Variants in TNFAIP8 observed in about 807,000 individuals in gnomAD.
TNFAIP8 encodes tumor necrosis factor alpha-induced protein 8.
A neutral mutation model predicts 13.3 loss-of-function variants in TNFAIP8; 7 were observed. The ratio of observed to expected loss-of-function variants is 0.52; its 90% CI spans 0.30 to 0.99. The LOEUF is 0.99. Ranked by LOEUF, TNFAIP8 falls within the 50% of genes least tolerant of loss-of-function variation. The pLI is 0.07. For missense variants in TNFAIP8, 258 were observed against 236.9 expected (o/e 1.09, Z -0.58); for synonymous variants, 94 against 87.6 (o/e 1.07, Z -0.41).
At position 119,321,938 on chromosome 5, in the gene TNFAIP8, C is replaced by T. The variant is rs144794641; in HGVS notation, c.1+53031C>T. Among the ~76,000 whole-genome samples the T allele has an allele frequency of 3.4e-3, 522 of 152,278 alleles. 2 individuals are homozygous for T. The highest frequency in any genetic ancestry group is 0.012 in the African/African-American group (509 of 41,556). ...CTACCTAATTTCCTCCCACTCCCTC[C>T]TTCCCTGCCTCAGTCAGGCCACACT... is the stretch of plus-strand genomic sequence containing the variant. On this transcript the variant is annotated intron_variant, in intron 1 of 1. Transcript: ENST00000274456.
chr5:119,334,203 A>G (rs1750475037), intron 1 of TNFAIP8, among the ~76,000 whole-genome samples: 1 of 151,746 alleles, frequency 6.6e-6, no homozygotes, highest in African/African-American at 2.4e-5. Context: ...ATAACACCTT[A>G]GGTTTGTTTT....
chr5:119,355,939 G>A (rs557651893), upstream of TNFAIP8: 31 of 1,433,364 alleles, frequency 2.2e-5, no homozygotes, highest in African/African-American at 3.5e-4. Context: ...CCCTGCACCA[G>A]AACCCGCTCT....
At chr5:119,298,833 C>G (rs1425483051) in intron 1 of TNFAIP8, among the ~76,000 whole-genome samples, 1 of 151,986 alleles carries the variant, frequency 6.6e-6, no homozygotes, top group South Asian at 2.1e-4. Context: ...TCTAAACTTC[C>G]CTTCTCACTT....
chr5:119,293,769 A>G (rs1478751847), intron 1 of TNFAIP8, among the ~76,000 whole-genome samples: 1 of 152,236 alleles, frequency 6.6e-6, no homozygotes, highest in African/African-American at 2.4e-5. Flanking sequence ...CAAGATTGGC[A>G]AAATACTGGT....
intron 1 of TNFAIP8, among the ~76,000 whole-genome samples, chr5:119,329,310 C>A (rs1750307802): frequency 6.6e-6 from 1 of 152,194 alleles, no homozygotes; most frequent in Admixed American, 6.5e-5. Context: ...GAAACAAGTA[C>A]TACATGATAA....
chr5:119,306,980 G>GT (rs915659116), intron 1 of TNFAIP8, among the ~76,000 whole-genome samples: 2 of 152,092 alleles, frequency 1.3e-5, no homozygotes, highest in African/African-American at 4.8e-5. Flanking sequence ...TCAAACTACT[G>GT]TTTTTTGTGG....
exon 1 of TNFAIP8, chr5:119,268,789 C>A (rs935186320): frequency 8.7e-6 from 6 of 689,566 alleles, no homozygotes; most frequent in Non-Finnish European, 1.6e-5. Context: ...CCGGCTCTAA[C>A]CCGCGCTTGG....
intron 1 of TNFAIP8, among the ~76,000 whole-genome samples, chr5:119,388,798 A>AT (rs1184704547): frequency 0.28 from 39,435 of 140,400 alleles, 5,468 homozygotes; most frequent in Non-Finnish European, 0.32. Flanking sequence ...ATGCCCAGCT[A>AT]TTTTTTTTTT....
At chr5:119,271,297 G>A (rs201718748) in intron 1 of TNFAIP8, among the ~76,000 whole-genome samples, 2 of 152,174 alleles carry the variant, frequency 1.3e-5, no homozygotes, top group Non-Finnish European at 2.9e-5. Context: ...CTTACGGCTT[G>A]GAGAACTTCA....
chr5:119,383,838 T>C (rs752632139), intron 1 of TNFAIP8, among the ~76,000 whole-genome samples: 8 of 152,234 alleles, frequency 5.3e-5, no homozygotes, highest in Non-Finnish European at 1.0e-4. Flanking sequence ...TTAAAATGCT[T>C]ATAAACTGCT....
chr5:119,290,206 C>T (rs1295076000), intron 1 of TNFAIP8, among the ~76,000 whole-genome samples: 1 of 151,402 alleles, frequency 6.6e-6, no homozygotes, highest in Non-Finnish European at 1.5e-5. Flanking sequence ...AACTTAGTAG[C>T]TAAAAACAAC....
chr5:119,332,326 T>C (rs1363505310), intron 1 of TNFAIP8, among the ~76,000 whole-genome samples: 2 of 152,116 alleles, frequency 1.3e-5, no homozygotes, highest in Non-Finnish European at 2.9e-5. Context: ...GTGACATTGA[T>C]GATGTTATTC....
intron 1 of TNFAIP8, among the ~76,000 whole-genome samples, chr5:119,384,551 A>T (rs138684901): frequency 6.6e-6 from 1 of 152,324 alleles, no homozygotes; most frequent in East Asian, 1.9e-4. Context: ...AATGTAGTAC[A>T]AATTCAAAAA....
At chr5:119,392,287 T>C (rs1270820843) in intron 1 of TNFAIP8, among the ~76,000 whole-genome samples, 1 of 152,272 alleles carries the variant, frequency 6.6e-6, no homozygotes, top group Non-Finnish European at 1.5e-5. Context: ...GCCATTTTAC[T>C]CAATATTATG....
chr5:119,338,683 C>T (rs1750638959), intron 1 of TNFAIP8, among the ~76,000 whole-genome samples: 1 of 152,242 alleles, frequency 6.6e-6, no homozygotes, highest in East Asian at 1.9e-4. Flanking sequence ...ACTATTCCTC[C>T]TTAGCTGCCC....
At chr5:119,268,868 C>A (rs1457086002) in exon 1 of TNFAIP8, 2 of 703,158 alleles carry the variant, frequency 2.8e-6, no homozygotes, top group Admixed American at 4.0e-5. Flanking sequence ...CAGCCCAGCT[C>A]GCGCTTCAGC....
At chr5:119,369,975 T>C (rs139833961) in intron 1 of TNFAIP8, among the ~76,000 whole-genome samples, 56 of 152,310 alleles carry the variant, frequency 3.7e-4, no homozygotes, top group African/African-American at 1.3e-3. Flanking sequence ...CTGAAATGAA[T>C]TGTCTTTCAA....
At chr5:119,277,289 A>G (rs1215836976) in intron 1 of TNFAIP8, among the ~76,000 whole-genome samples, 1 of 152,196 alleles carries the variant, frequency 6.6e-6, no homozygotes, top group Non-Finnish European at 1.5e-5. Flanking sequence ...AATTATAGTT[A>G]CTTTTTTCTT....
chr5:119,332,144 G>T (rs983114280), intron 1 of TNFAIP8, among the ~76,000 whole-genome samples: 4 of 152,176 alleles, frequency 2.6e-5, no homozygotes, highest in Non-Finnish European at 5.9e-5. Flanking sequence ...AGATATGTTT[G>T]TAAATTGATG....
Sources: allele counts gnomAD v4.1 joint callset (sites outside exome capture counted in the v4.1 genomes callset), GRCh38; gene constraint gnomAD v4.1.1; transcripts MANE v1.5; gene names NCBI Gene and HGNC (gene_info 2026-07-23, HGNC 2026-07-21).